The following PPM1L variants were observed in gnomAD, a reference collection of about 807,000 sequenced individuals.
PPM1L encodes the protein protein phosphatase, Mg2+/Mn2+ dependent 1L.
Under a neutral mutation model 31.4 loss-of-function variants are expected in PPM1L, and 13 were observed. The ratio of observed to expected loss-of-function variants is 0.41; its 90% CI spans 0.27 to 0.66. The LOEUF (loss-of-function observed/expected upper bound fraction) is 0.66. PPM1L is among the 30% of genes least tolerant of loss of function. PPM1L has a pLI of 0.29. For missense variants in PPM1L, 326 were observed against 453.7 expected (o/e 0.72, Z 2.56); for synonymous variants, 184 against 175.4 (o/e 1.05, Z -0.39).
intron 2 of PPM1L, among the ~76,000 whole-genome samples, chr3:161,042,740 G>T (rs1718946243): frequency 6.6e-6 from 1 of 151,992 alleles, no homozygotes; most frequent in Non-Finnish European, 1.5e-5. Flanking sequence ...GGTTTTTTTG[G>T]CCAGGCACCG....
intron 1 of PPM1L, among the ~76,000 whole-genome samples, chr3:160,922,168 G>A (rs1714433447): frequency 6.6e-6 from 1 of 152,044 alleles, no homozygotes; most frequent in Non-Finnish European, 1.5e-5. Flanking sequence ...AAATTAGCCG[G>A]GCGTGGTGGC....
At position 160,810,018 on chromosome 3, in the gene PPM1L, G is replaced by A. The variant is rs927452984; in HGVS notation, c.399+53311G>A. 5.3e-5 allele frequency among the ~76,000 whole-genome samples: 8 copies of A among 151,990 alleles called. No individual in the cohort carries two copies. In the East Asian group the frequency reaches 7.8e-4, roughly 15 times the overall value. ...ATATACTGTATGTAAAATATCTAGC[G>A]TGCTTCTGAGCCCTTAGGAGGAATT... is the stretch of plus-strand genomic sequence containing the variant. On this transcript the variant is annotated intron_variant, in intron 1 of 3. Transcript: ENST00000498165.
chr3:160,914,115 A>G (rs1475536856), intron 1 of PPM1L, among the ~76,000 whole-genome samples: 3 of 152,002 alleles, frequency 2.0e-5, no homozygotes, highest in Non-Finnish European at 4.4e-5. Flanking sequence ...ATTCTTTTTA[A>G]TTTTAGTCAT....
At chr3:161,048,375 A>T (rs9862086) in intron 2 of PPM1L, among the ~76,000 whole-genome samples, 45,026 of 152,114 alleles carry the variant, frequency 0.3, 6,923 homozygotes, top group East Asian at 0.58. Context: ...CAAAACCACA[A>T]TGCGATACCA....
At chr3:161,036,303 A>G (rs1576797930) in intron 2 of PPM1L, among the ~76,000 whole-genome samples, 1 of 152,354 alleles carries the variant, frequency 6.6e-6, no homozygotes, top group Middle Eastern at 3.4e-3. Context: ...AGAGAAGATC[A>G]GACCCTGTGG....
At chr3:160,993,165 G>T (rs1389946316) in intron 2 of PPM1L, among the ~76,000 whole-genome samples, 1 of 151,824 alleles carries the variant, frequency 6.6e-6, no homozygotes, top group Non-Finnish European at 1.5e-5. Context: ...GTAATTGTTA[G>T]CTGATATTAT....
intron 1 of PPM1L, among the ~76,000 whole-genome samples, chr3:160,906,737 G>A (rs764792922): frequency 2.4e-4 from 36 of 152,182 alleles, no homozygotes; most frequent in Non-Finnish European, 4.0e-4. Context: ...TTGATGGGGT[G>A]GATTCACTTT....
intron 1 of PPM1L, among the ~76,000 whole-genome samples, chr3:160,896,145 C>T (rs1227931703): frequency 1.3e-5 from 2 of 152,084 alleles, no homozygotes; most frequent in African/African-American, 2.4e-5. Context: ...AGGGAAAATG[C>T]ATTTTTTAGC....
At chr3:160,773,804 A>ATTT (rs948433838) in intron 1 of PPM1L, among the ~76,000 whole-genome samples, 1 of 151,866 alleles carries the variant, frequency 6.6e-6, no homozygotes, top group Non-Finnish European at 1.5e-5. Flanking sequence ...CTCATCTTTG[A>ATTT]TTTTTTGTTG....
chr3:160,998,214 T>C (rs1010357427), intron 2 of PPM1L, among the ~76,000 whole-genome samples: 4 of 152,202 alleles, frequency 2.6e-5, no homozygotes, highest in Non-Finnish European at 5.9e-5. Flanking sequence ...CCAAGTTGTA[T>C]TGAAATGACC....
In PPM1L at chr3:160,992,373, C is replaced by T. The variant is rs76456457; in HGVS notation, c.574+30463C>T. Among the ~76,000 whole-genome samples, 1,436 of 152,200 alleles carry T rather than the reference C, an allele frequency of 9.4e-3. 36 individuals are homozygous for T. Among genetic ancestry groups the T allele is most frequent in the African/African-American group, 0.033 (1,353 of 41,528 alleles). ...GACACGAACACCATTATCTCTAAAA[C>T]GGAGATAATGACAAGTGTAGCTTCC... On this transcript the variant is annotated intron_variant, in intron 2 of 3. Transcript: ENST00000498165.
chr3:161,045,740 A>C (rs1719039550), intron 2 of PPM1L, among the ~76,000 whole-genome samples: 1 of 152,152 alleles, frequency 6.6e-6, no homozygotes, highest in African/African-American at 2.4e-5. Context: ...ACACATTCAA[A>C]AGCTAGCAGA....
chr3:160,827,063 C>G (rs1189919803), intron 1 of PPM1L, among the ~76,000 whole-genome samples: 2 of 152,180 alleles, frequency 1.3e-5, no homozygotes, highest in Non-Finnish European at 2.9e-5. Flanking sequence ...TACTGGCCTA[C>G]TTAACACACT....
intron 3 of PPM1L, among the ~76,000 whole-genome samples, chr3:161,068,217 G>A (rs1053765966): frequency 5.9e-5 from 9 of 152,176 alleles, no homozygotes; most frequent in African/African-American, 1.9e-4. Flanking sequence ...TGTAGCCAGG[G>A]AGACTGAGGA....
chr3:161,057,256 A>G (rs1021164516), intron 2 of PPM1L, among the ~76,000 whole-genome samples: 3 of 152,068 alleles, frequency 2.0e-5, no homozygotes, highest in Non-Finnish European at 4.4e-5. Context: ...CTCTGTTGTC[A>G]TCCCTTCCCT....
At chr3:160,856,339 C>G (rs114504827) in intron 1 of PPM1L, among the ~76,000 whole-genome samples, 1 of 152,034 alleles carries the variant, frequency 6.6e-6, no homozygotes, top group Non-Finnish European at 1.5e-5. Flanking sequence ...ATAAACCGTT[C>G]GAAGATACAT....
At position 160,804,091 on chromosome 3, in the gene PPM1L, T is replaced by TC. The variant is rs1378169936; in HGVS notation, c.399+47384_399+47385insC. Among the ~76,000 whole-genome samples, 1,378 of 151,316 alleles carry TC rather than the reference T, an allele frequency of 9.1e-3. 14 individuals are homozygous for TC. The highest frequency in any genetic ancestry group is 0.031 in the African/African-American group (1,269 of 41,160). Reference sequence around the variant, plus strand: ...CGCCACCACGCCCAGCTAATTTTTTTTCTTTTTTTTTTTTCTATTTTTAGT... The same window carrying TC: ...CGCCACCACGCCCAGCTAATTTTTTTCTCTTTTTTTTTTTTCTATTTTTAGT... On this transcript the variant is annotated intron_variant, in intron 1 of 3. Transcript: ENST00000498165.
At position 160,841,274 on chromosome 3, in the gene PPM1L, C is replaced by T. The variant is rs115227353; in HGVS notation, c.399+84567C>T. On this transcript the variant is annotated intron_variant, in intron 1 of 3. Coordinates refer to ENST00000498165, the MANE Select transcript of PPM1L (RefSeq NM_139245.4). ...GCTTATTAAGACCCATTCCAGAACC[C>T]GGCTGTGTTCTCACAGATAGGACTC... Among the ~76,000 whole-genome samples, 1,234 of 151,860 alleles carry T rather than the reference C, an allele frequency of 8.1e-3. 15 individuals are homozygous for T. Among genetic ancestry groups the T allele is most frequent in the Middle Eastern group, 0.041 (12 of 294 alleles).
chr3:160,774,920 T>C (rs1711528612), intron 1 of PPM1L, among the ~76,000 whole-genome samples: 1 of 152,230 alleles, frequency 6.6e-6, no homozygotes, highest in African/African-American at 2.4e-5. Context: ...TGTGTTCCAG[T>C]GATAATGATA....
Sources: gnomAD v4.1 joint callset for allele counts (sites outside exome capture counted in the v4.1 genomes callset) on GRCh38, gnomAD v4.1.1 for gene constraint, MANE v1.5 for transcripts, NCBI Gene and HGNC (gene_info 2026-07-23, HGNC 2026-07-21) for gene names.